VPS13B: variants seen among roughly 807,000 people sequenced by gnomAD.
VPS13B encodes the protein vacuolar protein sorting 13 homolog B.
Under a neutral mutation model 426.4 loss-of-function variants are expected in VPS13B, and 285 were observed. The ratio of observed to expected loss-of-function variants is 0.67; its 90% CI spans 0.61 to 0.74. The LOEUF is 0.74. Ranked by LOEUF, VPS13B falls within the 30% of genes least tolerant of loss-of-function variation. VPS13B has a pLI of 0.00. For synonymous variants in VPS13B, 1,676 were observed against 1,676.4 expected, an observed-to-expected ratio of 1.00 and a Z score of 0.01; for missense variants, 4,537 against 4,782.6, an observed-to-expected ratio of 0.95 and a Z score of 1.51.
At chr8:99,123,303 T>C (rs1848042336) in intron 8 of VPS13B, among the ~76,000 whole-genome samples, 1 of 151,990 alleles carries the variant, frequency 6.6e-6, no homozygotes, top group African/African-American at 2.4e-5. Context: ...TATTTGAGAA[T>C]GAACATTCCA....
chr8:99,503,131 T>C (rs1821327303), intron 27 of VPS13B, among the ~76,000 whole-genome samples, 181 bp downstream of exon 27: 3 of 152,332 alleles, frequency 2.0e-5, no homozygotes, highest in Non-Finnish European at 4.4e-5. Context: ...ATAAAGGAAG[T>C]GACAGAAATT....
chr8:99,857,998 C>G (rs549895466), intron 56 of VPS13B, among the ~76,000 whole-genome samples: 1 of 152,150 alleles, frequency 6.6e-6, no homozygotes, highest in East Asian at 1.9e-4. Context: ...TGGGATTCTT[C>G]GGGACCTTGG....
chr8:99,432,157 A>G (rs1325455698), intron 22 of VPS13B, among the ~76,000 whole-genome samples: 3 of 151,930 alleles, frequency 2.0e-5, no homozygotes, highest in Admixed American at 6.6e-5. Flanking sequence ...ATCTTATTGA[A>G]TTACTTTCTT....
At chr8:99,017,337 G>T (rs1314373803) in intron 2 of VPS13B, among the ~76,000 whole-genome samples, 2 of 152,028 alleles carry the variant, frequency 1.3e-5, no homozygotes, top group African/African-American at 2.4e-5. Flanking sequence ...CTATTGAGTG[G>T]TCTATTTGTC....
chr8:99,549,985 A>G (rs1032927479), intron 30 of VPS13B, among the ~76,000 whole-genome samples: 5 of 152,046 alleles, frequency 3.3e-5, no homozygotes, highest in African/African-American at 7.2e-5. Context: ...TATTTTATAC[A>G]TAACCTTTTG....
At chr8:99,044,578 A>T (rs954215634) in intron 3 of VPS13B, among the ~76,000 whole-genome samples, 2 of 151,888 alleles carry the variant, frequency 1.3e-5, no homozygotes, top group African/African-American at 4.8e-5. Context: ...GTAATTCGTT[A>T]GATTTTGGTG....
intron 58 of VPS13B, among the ~76,000 whole-genome samples, chr8:99,865,566 G>C (rs2130953734): frequency 6.6e-6 from 1 of 152,332 alleles, no homozygotes; most frequent in East Asian, 1.9e-4. Context: ...GCCCTTAAGA[G>C]TCATCCCTCC....
At chr8:99,466,038 C>T (rs915221401) in intron 23 of VPS13B, among the ~76,000 whole-genome samples, 3 of 152,044 alleles carry the variant, frequency 2.0e-5, no homozygotes, top group African/African-American at 7.2e-5. Context: ...TTAGACTCCT[C>T]TAAAATATTT....
intron 37 of VPS13B, among the ~76,000 whole-genome samples, chr8:99,718,021 A>G (rs1368491765): frequency 6.6e-6 from 1 of 151,030 alleles, no homozygotes; most frequent in African/African-American, 2.4e-5. Context: ...ATATGTTTTG[A>G]TTTCTCTTAG....
intron 15 of VPS13B, among the ~76,000 whole-genome samples, chr8:99,163,760 C>T (rs11985354): frequency 0.062 from 9,344 of 150,392 alleles, 385 homozygotes; most frequent in African/African-American, 0.11. Context: ...CACACAGCCC[C>T]GGTTCCCGCT....
chr8:99,335,762 C>T (rs1411369321), intron 19 of VPS13B, among the ~76,000 whole-genome samples: 1 of 152,114 alleles, frequency 6.6e-6, no homozygotes, highest in Non-Finnish European at 1.5e-5. Flanking sequence ...CTCCCACTCA[C>T]AATTGCTTCA....
At chr8:99,163,156 C>A (rs976674388) in intron 15 of VPS13B, among the ~76,000 whole-genome samples, 3 of 151,976 alleles carry the variant, frequency 2.0e-5, no homozygotes, top group African/African-American at 7.3e-5. Context: ...ATTTACAATC[C>A]CTGAGCTAGA....
chr8:99,245,186 A>G (rs1445166368), intron 17 of VPS13B, among the ~76,000 whole-genome samples: 1 of 152,226 alleles, frequency 6.6e-6, no homozygotes, highest in Non-Finnish European at 1.5e-5. Flanking sequence ...ATACTGTGTG[A>G]TTTTGAACAA....
intron 19 of VPS13B, among the ~76,000 whole-genome samples, chr8:99,325,940 T>G (rs1433594748): frequency 1.3e-5 from 2 of 152,194 alleles, no homozygotes; most frequent in Admixed American, 6.6e-5. Context: ...ATTAAATTAT[T>G]TATTTGTTTT....
intron 33 of VPS13B, among the ~76,000 whole-genome samples, chr8:99,639,634 ATAT>A (rs1203091224): frequency 6.7e-6 from 1 of 148,926 alleles, no homozygotes; most frequent in Non-Finnish European, 1.5e-5. Context: ...TGTTATATAT[ATAT>A]AAGTTATTGC....
intron 56 of VPS13B, among the ~76,000 whole-genome samples, chr8:99,855,328 G>A (rs1340143304): frequency 1.3e-5 from 2 of 152,168 alleles, no homozygotes; most frequent in Non-Finnish European, 2.9e-5. Flanking sequence ...GCTACAGTGA[G>A]CTATGATCAC....
chr8:99,515,922 T>G (rs1486065671), intron 29 of VPS13B, among the ~76,000 whole-genome samples: 1 of 152,186 alleles, frequency 6.6e-6, no homozygotes, highest in Non-Finnish European at 1.5e-5. Context: ...ACATTTTTTG[T>G]GTATTAATCC....
chr8:99,085,348 T>C (rs912712772), intron 3 of VPS13B, among the ~76,000 whole-genome samples: 1 of 152,208 alleles, frequency 6.6e-6, no homozygotes, highest in Admixed American at 6.5e-5. Flanking sequence ...TATGTGTGTC[T>C]CTGCACATGA....
intron 35 of VPS13B, among the ~76,000 whole-genome samples, chr8:99,681,360 AC>A (rs1003982425): frequency 7.9e-5 from 12 of 152,296 alleles, no homozygotes; most frequent in South Asian, 2.1e-4. Context: ...CACTCTGTTC[AC>A]ACATTGCACA....
Sources: gnomAD v4.1 joint callset for allele counts (sites outside exome capture counted in the v4.1 genomes callset) on GRCh38, gnomAD v4.1.1 for gene constraint, MANE v1.5 for transcripts, NCBI Gene and HGNC (gene_info 2026-07-23, HGNC 2026-07-21) for gene names.